The following ARHGAP40 variants were observed in gnomAD, a reference collection of about 807,000 sequenced individuals.
ARHGAP40 encodes Rho GTPase activating protein 40, also known as rho GTPase-activating protein 40.
Under a neutral mutation model 73.5 loss-of-function variants are expected in ARHGAP40, and 43 were observed. The ratio of observed to expected loss-of-function variants is 0.58; its 90% CI spans 0.46 to 0.75. The LOEUF is 0.75. ARHGAP40 is among the 30% of genes least tolerant of loss of function. The pLI is 0.00. For synonymous variants in ARHGAP40, 300 were observed against 352.8 expected (o/e 0.85, Z 1.68); for missense variants, 734 against 861.8 (o/e 0.85, Z 1.86).
intron 1 of ARHGAP40, among the ~76,000 whole-genome samples, chr20:38,607,164 G>A (rs1195869292): frequency 6.6e-6 from 1 of 152,202 alleles, no homozygotes; most frequent in African/African-American, 2.4e-5. Flanking sequence ...GCACAGGCTT[G>A]TTTTCATGGG....
At chr20:38,628,808 C>A in intron 3 of ARHGAP40, 119 bp from the exon 4 acceptor site, 1 of 678,530 alleles carries the variant, frequency 1.5e-6, no homozygotes, top group Non-Finnish European at 2.2e-6. Flanking sequence ...CTCAGCCTCT[C>A]TGGGCTTCAG....
chr20:38,611,370 G>T (rs1231854939), intron 1 of ARHGAP40, among the ~76,000 whole-genome samples: 2 of 148,356 alleles, frequency 1.3e-5, no homozygotes, highest in East Asian at 4.0e-4. Context: ...GGGGGCTTAG[G>T]ATTTTATTTT....
Position 38,605,050 on chromosome 20 carries a change from C to T in ARHGAP40, c.137+2971C>T, listed in dbSNP as rs1569005805. Among the ~76,000 whole-genome samples, 3 of 152,104 alleles carry T rather than the reference C, an allele frequency of 2.0e-5. No homozygotes were observed. The South Asian group carries it at 6.2e-4, about 32-fold the overall frequency. ...AGGTCACTAGGTCAGCTCCCCCAAT[C>T]CTTTGAGTCTGTTCATCTCACTGGT... On this transcript the variant is annotated intron_variant, in intron 1 of 14. Transcript: ENST00000373345.
In ARHGAP40 at chr20:38,619,028, A is replaced by T. The variant is rs559344284; in HGVS notation, c.138-4331A>T. On this transcript the variant is annotated intron_variant, in intron 1 of 14. Transcript: ENST00000373345. The stretch of plus-strand genomic sequence containing the variant: ...GCAGGGAATAGAGAAGCCAAGAAAG[A>T]AATAGTTCCAGCAGAAATGAATGTG... Among the ~76,000 whole-genome samples, 17 of 152,336 alleles carry T rather than the reference A, an allele frequency of 1.1e-4. No individual in the cohort carries two copies. In the South Asian group the frequency reaches 3.5e-3, roughly 32 times the overall value.
rs1014554456 is a variant in ARHGAP40, at chr20:38,643,685, G to T, written c.1363-19G>T. ...AGGGATGGGCTGAGATTTGAGGGAGGCTCTGCACCCTTCCCTAGGCACTGC... is the reference window on the plus strand; with the variant it reads ...AGGGATGGGCTGAGATTTGAGGGAGTCTCTGCACCCTTCCCTAGGCACTGC... On this transcript the variant is annotated intron_variant, in intron 10 of 14. Transcript: ENST00000373345. 2.3e-6 allele frequency: 3 copies of T among 1,305,024 alleles called. No homozygotes were observed. Among genetic ancestry groups the T allele is most frequent in the Middle Eastern group, 2.1e-4 (1 of 4,696 alleles). 80.8% of individuals were successfully genotyped at this position (1,305,024 alleles called of 1,614,324 possible).
chr20:38,604,934 T>C (rs1405928421), intron 1 of ARHGAP40, among the ~76,000 whole-genome samples: 1 of 151,366 alleles, frequency 6.6e-6, no homozygotes, highest in Non-Finnish European at 1.5e-5. Flanking sequence ...GACATTCCAC[T>C]GCCAAAGAAA....
At chr20:38,628,279 C>T (rs1312535731) in intron 3 of ARHGAP40, among the ~76,000 whole-genome samples, 1 of 151,922 alleles carries the variant, frequency 6.6e-6, no homozygotes, top group Non-Finnish European at 1.5e-5. Context: ...GCCAAAGTCC[C>T]ACCTCCTACC....
chr20:38,629,045 C>T, intron 4 of ARHGAP40, 43 bp downstream of exon 4: 1 of 1,268,164 alleles, frequency 7.9e-7, no homozygotes, highest in Non-Finnish European at 1.0e-6. Context: ...ATCCTCCAGG[C>T]TGCATAAAGG....
At position 38,643,726 on chromosome 20, in the gene ARHGAP40, A is replaced by G. The variant is rs1473851809; in HGVS notation, c.1385A>G (p.Lys462Arg). ...TAGGCACTGCTGGAATTCCTCAGGAAGGTGGTGGCCCGGGAACAGCACAAC... is the reference window on the plus strand; with the variant it reads ...TAGGCACTGCTGGAATTCCTCAGGAGGGTGGTGGCCCGGGAACAGCACAAC... The change falls in exon 11 of 15, where the codon AAG becomes AGG. Residue 462 changes from lysine (K) to arginine (R), a missense_variant. By Grantham distance (26) the Lys-to-Arg change is conservative. Coordinates refer to ENST00000373345, the Ensembl canonical transcript of ARHGAP40. 2.3e-6 allele frequency: 3 copies of G among 1,305,830 alleles called. No individual in the cohort carries two copies. In the Admixed American group the frequency reaches 6.9e-5, roughly 30 times the overall value. The allele number at this position is 1,305,830 out of a possible 1,614,324, so 80.9% of individuals were successfully genotyped here. A position where few individuals can be genotyped will look rare whatever the true frequency, so the allele number is the denominator to read the frequency against.
At chr20:38,649,915 C>T (rs6027039) in exon 15 of ARHGAP40, 288,760 of 1,135,538 alleles carry the variant, frequency 0.25, 38,042 homozygotes, top group Non-Finnish European at 0.27. Flanking sequence ...TGTCCATGTA[C>T]CCAGCATGAG....
rs986213541 is a variant in ARHGAP40, at chr20:38,623,355, A to G, written c.138-4A>G. The G allele has an allele frequency of 1.6e-6, 2 of 1,286,300 alleles. No homozygotes were observed. Among genetic ancestry groups the G allele is most frequent in the Non-Finnish European group, 2.0e-6 (2 of 986,372 alleles). The allele number at this position is 1,286,300 out of a possible 1,614,324, so 79.7% of individuals were successfully genotyped here. ...CCTCCCTGCACCTTCCCCACTTGCT[A>G]CAGCTCTGGCCCCTCCTCAGGCCGA... On this transcript the variant is annotated splice_polypyrimidine_tract_variant and splice_region_variant and intron_variant, in intron 1 of 14. Transcript: ENST00000373345.
rs537451702 is a variant in ARHGAP40, at chr20:38,644,326, A to C, written c.1569+416A>C. On this transcript the variant is annotated intron_variant, in intron 11 of 14. Transcript: ENST00000373345. ...TGCCCCCACCGTGAGCTTTGCCCTG[A>C]GTAACAAGTGACAGCAAGGGGAGGA... 5.9e-5 allele frequency among the ~76,000 whole-genome samples: 9 copies of C among 152,064 alleles called. No homozygotes were observed. In the East Asian group the frequency reaches 1.7e-3, roughly 29 times the overall value.
chr20:38,609,673 A>G (rs947609406), intron 1 of ARHGAP40, among the ~76,000 whole-genome samples: 1 of 152,180 alleles, frequency 6.6e-6, no homozygotes, highest in Admixed American at 6.5e-5. Context: ...CTGAGTCCCA[A>G]AGTAGGCACT....
At chr20:38,634,460 G>C (rs1359799074) in intron 5 of ARHGAP40, among the ~76,000 whole-genome samples, 160 bp from the exon 6 acceptor site, 8 of 152,218 alleles carry the variant, frequency 5.3e-5, no homozygotes, top group Non-Finnish European at 7.3e-5. Flanking sequence ...GCAAGAGGTG[G>C]AGCTTGGACT....
intron 1 of ARHGAP40, among the ~76,000 whole-genome samples, chr20:38,603,785 T>G (rs1475519785): frequency 6.6e-6 from 1 of 152,210 alleles, no homozygotes; most frequent in African/African-American, 2.4e-5. Context: ...TTCCAGCTTC[T>G]GCAGCTGCCC....
At chr20:38,629,596 G>A in exon 5 of ARHGAP40, 3 of 1,305,410 alleles carry the variant, frequency 2.3e-6, no homozygotes, top group Non-Finnish European at 3.0e-6. Flanking sequence ...TGCTCCTGCA[G>A]AGGAGCAGGC....
At chr20:38,635,236 C>T (rs950236565) in intron 6 of ARHGAP40, among the ~76,000 whole-genome samples, 42 of 152,166 alleles carry the variant, frequency 2.8e-4, no homozygotes, top group African/African-American at 9.4e-4. Flanking sequence ...CATATGTAAA[C>T]AATTCCTGCT....
rs78844977 is a variant in ARHGAP40, at chr20:38,650,388, A to T, written c.*540A>T. On this transcript the variant is annotated 3_prime_UTR_variant, in exon 15 of 15. Transcript: ENST00000373345. The stretch of plus-strand genomic sequence containing the variant: ...CCCTACAATGTGTAGTAGCAGCAGC[A>T]CCAGAGACAAAACCAGGAGAGCTCT... 235 of 471,192 alleles carry T rather than the reference A, an allele frequency of 5.0e-4. 1 individual carries two copies. The highest frequency in any genetic ancestry group is 4.4e-3 in the African/African-American group (219 of 50,084). The allele number at this position is 471,192 out of a possible 1,614,324, so 29.2% of individuals were successfully genotyped here.
At chr20:38,606,500 T>C (rs748227885) in intron 1 of ARHGAP40, among the ~76,000 whole-genome samples, 2 of 152,232 alleles carry the variant, frequency 1.3e-5, no homozygotes, top group Non-Finnish European at 2.9e-5. Flanking sequence ...TGTTCATTTT[T>C]AGTCTTGGCT....
Sources: allele counts gnomAD v4.1 joint callset (sites outside exome capture counted in the v4.1 genomes callset), GRCh38; gene constraint gnomAD v4.1.1; transcripts MANE v1.5; gene names NCBI Gene and HGNC (gene_info 2026-07-23, HGNC 2026-07-21).